C21orf91: variants seen among roughly 807,000 people sequenced by gnomAD.
C21orf91 encodes chromosome 21 open reading frame 91, also known as protein EURL homolog.
A neutral mutation model predicts 32.9 loss-of-function variants in C21orf91; 26 were observed. The observed-to-expected ratio is 0.79, with a 90% CI of 0.58 to 1.10. The LOEUF is 1.10. Ranked by LOEUF, C21orf91 falls within the 50% of genes least tolerant of loss-of-function variation. The pLI, the probability that C21orf91 is intolerant of heterozygous loss-of-function variation, is 0.00. For synonymous variants in C21orf91, 126 were observed against 120.4 expected, an observed-to-expected ratio of 1.05 and a Z score of -0.31; for missense variants, 310 against 341.3, an observed-to-expected ratio of 0.91 and a Z score of 0.72.
chr21:17,814,009 A>G (rs2062649752), intron 2 of C21orf91: 1 of 152,226 alleles, frequency 6.6e-6, no homozygotes, highest in Admixed American at 6.5e-5. Context: ...TAGCTTAAAA[A>G]AAAAAGGTTT....
rs1427541897 is a variant in C21orf91 at position 17,797,103 on chromosome 21, T to G, written c.143A>C (p.Asp48Ala). ...CCTTAATGATTTGGTGTGCAAGAGA[T>G]CAGACTTTGGTACCCCTATGGAAAA... ...ELNIEGVPKS[D>A]LLHTKSLRGH... is the part of the protein sequence containing the mutation. The change falls in exon 3 of 5, where the codon GAT (aspartate) becomes GCT (alanine). Residue 48 changes from aspartate (D) to alanine (A), a missense_variant. By Grantham distance (126) the Asp-to-Ala change is moderately radical (BLOSUM62 -2). Transcript: ENST00000284881. 1 of 1,589,036 alleles carries G rather than the reference T, an allele frequency of 6.3e-7. No individual in the cohort carries two copies. The highest frequency in any genetic ancestry group is 1.4e-5 in the African/African-American group (1 of 73,404).
intron 2 of C21orf91, among the ~76,000 whole-genome samples, chr21:17,797,930 TA>T (rs1464568239): frequency 6.6e-6 from 1 of 152,014 alleles, no homozygotes; most frequent in Non-Finnish European, 1.5e-5. Context: ...ATAAAAATTA[TA>T]AAAATATAAA....
chr21:17,813,088 A>G (rs1339383187), intron 2 of C21orf91, among the ~76,000 whole-genome samples: 1 of 152,232 alleles, frequency 6.6e-6, no homozygotes, highest in African/African-American at 2.4e-5. Flanking sequence ...TTTATACTTC[A>G]AAGTGCAACT....
chr21:17,803,590 T>C (rs1294253652), intron 2 of C21orf91, among the ~76,000 whole-genome samples: 1 of 152,158 alleles, frequency 6.6e-6, no homozygotes, highest in East Asian at 1.9e-4. Context: ...AGAGTAAAGG[T>C]GTTTTTCTTT....
chr21:17,817,410 A>G (rs1302705298), intron 2 of C21orf91, among the ~76,000 whole-genome samples: 1 of 152,166 alleles, frequency 6.6e-6, no homozygotes, highest in Non-Finnish European at 1.5e-5. Context: ...GAAACTGTCC[A>G]AAATCTAGAG....
chr21:17,796,626 T>A lies in C21orf91; in HGVS notation c.620A>T (p.Glu207Val). ...TGGATGCTGGGTCTGGACATTAGCC[T>A]CTGGACTAGAGATTGTCTCTTCTTT... ...QKKEETISSP[E>V]ANVQTQHPHY... The change falls in exon 3 of 5, where the codon GAG becomes GTG. Residue 207 changes from glutamate (E) to valine (V), a missense_variant. Transcript: ENST00000284881. The A allele has an allele frequency of 6.2e-7, 1 of 1,614,076 alleles. No homozygotes were observed. The highest frequency in any genetic ancestry group is 8.5e-7 in the Non-Finnish European group (1 of 1,179,944).
intron 1 of C21orf91, chr21:17,819,049 G>A (rs1296747077): frequency 2.0e-5 from 3 of 152,232 alleles, no homozygotes; most frequent in Admixed American, 6.5e-5. Flanking sequence ...AAGCGTCCGA[G>A]GGCCACGGCG....
chr21:17,815,686 G>A (rs2062660896), intron 2 of C21orf91, among the ~76,000 whole-genome samples: 1 of 150,106 alleles, frequency 6.7e-6, no homozygotes, highest in Admixed American at 6.6e-5. Context: ...TTGAGACAGA[G>A]TTTTGCTCTT....
intron 2 of C21orf91, among the ~76,000 whole-genome samples, chr21:17,799,887 T>C (rs1244015867): frequency 3.3e-5 from 5 of 152,032 alleles, no homozygotes; most frequent in African/African-American, 1.2e-4. Context: ...ACAAATCAAT[T>C]ATCACTCAAG....
intron 2 of C21orf91, among the ~76,000 whole-genome samples, chr21:17,815,872 C>T (rs551395792): frequency 6.6e-6 from 1 of 152,288 alleles, no homozygotes; most frequent in East Asian, 1.9e-4. Context: ...GTTGGTCAGG[C>T]TGGTACCGAA....
intron 2 of C21orf91, among the ~76,000 whole-genome samples, chr21:17,813,115 T>G (rs1163297105): frequency 6.6e-6 from 1 of 152,250 alleles, no homozygotes; most frequent in African/African-American, 2.4e-5. Flanking sequence ...TAATACATGA[T>G]GTTTGCCATT....
chr21:17,804,286 C>T (rs1218964256), intron 2 of C21orf91, among the ~76,000 whole-genome samples: 1 of 152,218 alleles, frequency 6.6e-6, no homozygotes, highest in African/African-American at 2.4e-5. Context: ...GAAGATTAGA[C>T]TAAAAGTGGG....
Position 17,796,999 on chromosome 21 carries a change from A to G in C21orf91, c.247T>C (p.Tyr83His). The G allele has an allele frequency of 6.2e-7, 1 of 1,613,552 alleles. No homozygotes were observed. The highest frequency in any genetic ancestry group is 1.7e-5 in the Admixed American group (1 of 59,986). Reference protein sequence around the residue: ...CPRSKLSKSTYEEVKTILSKK... With the variant: ...CPRSKLSKSTHEEVKTILSKK... ...CTCAAAATGGTTTTAACTTCTTCAT[A>G]AGTACTTTTTGAAAGCTTAGATCGA... Residue 83 changes from tyrosine to histidine, a missense_variant, in exon 3 of 5, where the codon TAT becomes CAT. By Grantham distance (83) the Tyr-to-His change is moderately conservative (BLOSUM62 2). Coordinates refer to ENST00000284881, the MANE Select transcript of C21orf91 (RefSeq NM_001100420.2).
chr21:17,793,594 T>TA lies in C21orf91; in HGVS notation c.728-14dup. ...TCTTCAAAAACTTCTGTAAAAGATT[T>TA]AAAAACTTTCATTTTTAGTATGCAG... On this transcript the variant is annotated splice_polypyrimidine_tract_variant and intron_variant, in intron 4 of 4. Coordinates refer to ENST00000284881, the MANE Select transcript of C21orf91 (RefSeq NM_001100420.2). 6.3e-7 allele frequency: 1 copy of TA among 1,582,864 alleles called. No individual in the cohort carries two copies. The highest frequency in any genetic ancestry group is 8.6e-7 in the Non-Finnish European group (1 of 1,157,918).
intron 2 of C21orf91, among the ~76,000 whole-genome samples, chr21:17,816,112 T>C (rs140820810): frequency 1.8e-4 from 27 of 152,364 alleles, no homozygotes; most frequent in Admixed American, 1.1e-3. Flanking sequence ...GGGATTTTAA[T>C]ATATAAAACC....
chr21:17,816,837 C>T (rs1441415288), intron 2 of C21orf91, among the ~76,000 whole-genome samples: 1 of 152,176 alleles, frequency 6.6e-6, no homozygotes, highest in African/African-American at 2.4e-5. Context: ...TAGATAATTT[C>T]TAATGTCTTT....
At position 17,793,194 on chromosome 21, in the gene C21orf91, A is replaced by AT. The variant is rs1200474816; in HGVS notation, c.*220dup. On this transcript the variant is annotated 3_prime_UTR_variant, in exon 5 of 5. Transcript: ENST00000284881. ...CACATGTGATAAAATTTGTTTAGTA[A>AT]TTCTGGGAAAAAAGAGTCCCCAAAT... is the stretch of plus-strand genomic sequence containing the variant. 3.0e-6 allele frequency: 1 copy of AT among 335,580 alleles called. No individual in the cohort carries two copies. Among genetic ancestry groups the AT allele is most frequent in the Admixed American group, 4.5e-5 (1 of 22,136 alleles). 20.8% of individuals were successfully genotyped at this position (335,580 alleles called of 1,614,324 possible). A position where few individuals can be genotyped will look rare whatever the true frequency, so the allele number is the denominator to read the frequency against.
rs1322035095 is a variant in C21orf91 at position 17,791,009 on chromosome 21, TAAC to T, written c.*2403_*2405del. On this transcript the variant is annotated 3_prime_UTR_variant, in exon 5 of 5. Transcript: ENST00000284881. ...GCTTCAAAACATTCTCAAAAATTAC[TAAC>T]AACTGTAGAGAATAGCCAAGTGTGG... is the stretch of plus-strand genomic sequence containing the variant. 6 of 152,090 alleles carry T rather than the reference TAAC, an allele frequency of 3.9e-5. No individual in the cohort carries two copies. Among genetic ancestry groups the T allele is most frequent in the Non-Finnish European group, 7.4e-5 (5 of 67,956 alleles). The allele number at this position is 152,090 out of a possible 1,614,324, so 9.4% of individuals were successfully genotyped here. A position where few individuals can be genotyped will look rare whatever the true frequency, so the allele number is the denominator to read the frequency against.
At position 17,790,833 on chromosome 21, in the gene C21orf91, T is replaced by C. The variant is rs747027804; in HGVS notation, c.*2582A>G. 6 of 152,142 alleles carry C rather than the reference T, an allele frequency of 3.9e-5. No individual in the cohort carries two copies. The highest frequency in any genetic ancestry group is 7.2e-5 in the African/African-American group (3 of 41,460). 9.4% of individuals were successfully genotyped at this position (152,142 alleles called of 1,614,324 possible). A position where few individuals can be genotyped will look rare whatever the true frequency, so the allele number is the denominator to read the frequency against. On this transcript the variant is annotated 3_prime_UTR_variant, in exon 5 of 5. Coordinates refer to ENST00000284881, the MANE Select transcript of C21orf91 (RefSeq NM_001100420.2). ...TGGTCAAAAACACTTTTCTAATTTT[T>C]AAAACTCAATTTAACGTGTCAAATT...
Sources: allele counts gnomAD v4.1 joint callset (sites outside exome capture counted in the v4.1 genomes callset), GRCh38; gene constraint gnomAD v4.1.1; transcripts MANE v1.5; gene names NCBI Gene and HGNC (gene_info 2026-07-23, HGNC 2026-07-21).